Variants in TLE4 observed in about 807,000 individuals in gnomAD.
TLE4 encodes transducin-like enhancer protein 4.
Under a neutral mutation model 92.8 loss-of-function variants are expected in TLE4, and 8 were observed. The observed-to-expected ratio is 0.09, with a 90% CI of 0.05 to 0.16. The LOEUF (loss-of-function observed/expected upper bound fraction) is 0.16, where lower values mean the gene tolerates loss of function less well. TLE4 is among the 10% of genes least tolerant of loss of function. The pLI is 1.00. For synonymous variants in TLE4, 371 were observed against 374.1 expected (o/e 0.99, Z 0.10); for missense variants, 675 against 997.6 (o/e 0.68, Z 4.36).
intron 18 of TLE4, 105 bp from the exon 19 acceptor site, chr9:79,722,854 C>T: frequency 1.8e-6 from 2 of 1,117,306 alleles, no homozygotes; most frequent in Middle Eastern, 4.1e-4. Flanking sequence ...TTATTTTTTA[C>T]AAATGGATGA....
At position 79,627,405 on chromosome 9, in the gene TLE4, G is replaced by T. The variant is rs994491110; in HGVS notation, c.347G>T (p.Arg116Leu). Reference protein sequence around the residue: ...HQQQVVQAVERAKQVTMAELN... With the variant: ...HQQQVVQAVELAKQVTMAELN... ...CAACAAGTGGTGCAGGCTGTGGAAC[G>T]GGCCAAGCAGGTGACCATGGCAGAA... The change falls in exon 6 of 20, where the codon CGG becomes CTG. Residue 116 changes from arginine (R) to leucine (L), a missense_variant. Coordinates refer to ENST00000376552, the MANE Select transcript of TLE4 (RefSeq NM_007005.6). 2 of 1,614,016 alleles carry T rather than the reference G, an allele frequency of 1.2e-6. No homozygotes were observed. The highest frequency in any genetic ancestry group is 1.7e-6 in the Non-Finnish European group (2 of 1,180,022).
rs148270341 is a variant in TLE4, at chr9:79,676,285, T to C, written c.609+22210T>C. 4.8e-3 allele frequency among the ~76,000 whole-genome samples: 736 copies of C among 152,326 alleles called. 2 individuals are homozygous for C. The highest frequency in any genetic ancestry group is 0.017 in the Middle Eastern group (5 of 294). Reference sequence around the variant, plus strand: ...TACTACTGAAACTATTTTGGCTCAATACTCTAAATTAATTGTTTTCATGTA... The same window carrying C: ...TACTACTGAAACTATTTTGGCTCAACACTCTAAATTAATTGTTTTCATGTA... On this transcript the variant is annotated intron_variant, in intron 8 of 19. Coordinates refer to ENST00000376552, the MANE Select transcript of TLE4 (RefSeq NM_007005.6).
intron 8 of TLE4, among the ~76,000 whole-genome samples, chr9:79,701,373 A>G (rs991372028): frequency 6.6e-6 from 1 of 152,238 alleles, no homozygotes; most frequent in Non-Finnish European, 1.5e-5. Flanking sequence ...AGAAAAATAT[A>G]AAGTATTTGG....
chr9:79,720,334 C>T (rs775780407), intron 16 of TLE4, 41 bp downstream of exon 16: 18 of 1,571,632 alleles, frequency 1.1e-5, no homozygotes, highest in East Asian at 6.8e-5. Flanking sequence ...GAGGAGGAGC[C>T]GATTTTACCA....
chr9:79,605,230 G>A (rs1417081), intron 4 of TLE4, among the ~76,000 whole-genome samples: 3 of 151,772 alleles, frequency 2.0e-5, no homozygotes, highest in Non-Finnish European at 4.4e-5. Flanking sequence ...TTCTTTCTCT[G>A]CTCCTTCTGA....
At chr9:79,707,090 G>T in intron 11 of TLE4, 191 bp downstream of exon 11, 1 of 1,606,270 alleles carries the variant, frequency 6.2e-7, no homozygotes, top group African/African-American at 1.3e-5. Flanking sequence ...TTGGTGATGA[G>T]TGTTTATTTT....
chr9:79,601,256 C>T (rs1406354324), intron 4 of TLE4, among the ~76,000 whole-genome samples: 5 of 151,706 alleles, frequency 3.3e-5, no homozygotes, highest in Non-Finnish European at 5.9e-5. Context: ...AGCATGGTAT[C>T]CTAAATGCCA....
intron 4 of TLE4, among the ~76,000 whole-genome samples, chr9:79,597,158 C>T (rs557127122): frequency 6.6e-6 from 1 of 152,276 alleles, no homozygotes; most frequent in South Asian, 2.1e-4. Context: ...TCTCCATGTG[C>T]AGCCTGCCTC....
intron 4 of TLE4, among the ~76,000 whole-genome samples, chr9:79,597,308 T>C (rs1394467459): frequency 6.6e-6 from 1 of 152,168 alleles, no homozygotes; most frequent in Admixed American, 6.5e-5. Flanking sequence ...GACCTCCCGG[T>C]CTACTTTTAT....
intron 6 of TLE4, among the ~76,000 whole-genome samples, chr9:79,629,177 CT>C (rs2053531352): frequency 6.6e-6 from 1 of 152,010 alleles, no homozygotes; most frequent in African/African-American, 2.4e-5. Flanking sequence ...GATTGGCAGC[CT>C]TTTCTAGGAA....
At chr9:79,653,890 T>A (rs1378485253) in intron 7 of TLE4, among the ~76,000 whole-genome samples, 169 bp from the exon 8 acceptor site, 1 of 152,246 alleles carries the variant, frequency 6.6e-6, no homozygotes, top group East Asian at 1.9e-4. Context: ...TGAATTTGGT[T>A]GTGCAGTATT....
chr9:79,687,351 A>G (rs1315018647), intron 8 of TLE4, among the ~76,000 whole-genome samples: 1 of 152,172 alleles, frequency 6.6e-6, no homozygotes, highest in Non-Finnish European at 1.5e-5. Context: ...CTGTGTGGTC[A>G]TATGTGGTGG....
chr9:79,672,543 C>A (rs2062586449), intron 8 of TLE4, among the ~76,000 whole-genome samples: 1 of 152,100 alleles, frequency 6.6e-6, no homozygotes, highest in African/African-American at 2.4e-5. Context: ...AAACATGAGG[C>A]CATATTTGAG....
intron 11 of TLE4, 34 bp from the exon 12 acceptor site, chr9:79,708,084 C>A: frequency 6.2e-7 from 1 of 1,606,530 alleles, no homozygotes. Context: ...AAACCATGTT[C>A]TAATTGCTGG....
chr9:79,590,273 C>G (rs891567932), intron 4 of TLE4, among the ~76,000 whole-genome samples: 2 of 152,178 alleles, frequency 1.3e-5, no homozygotes, highest in African/African-American at 2.4e-5. Flanking sequence ...AGACAAAACA[C>G]TTGTTTGGGC....
chr9:79,583,629 CATT>C (rs562910936), intron 4 of TLE4, among the ~76,000 whole-genome samples: 11 of 151,684 alleles, frequency 7.3e-5, no homozygotes, highest in South Asian at 4.2e-4. Context: ...TTATTTAACT[CATT>C]ATTATTATTA....
chr9:79,690,966 A>G (rs1031995978), intron 8 of TLE4, among the ~76,000 whole-genome samples: 2 of 152,002 alleles, frequency 1.3e-5, no homozygotes, highest in African/African-American at 4.8e-5. Context: ...AAGAACCTGT[A>G]TCTTATTGCA....
intron 8 of TLE4, among the ~76,000 whole-genome samples, chr9:79,660,141 AT>A (rs1455277429): frequency 2.0e-5 from 3 of 152,234 alleles, no homozygotes; most frequent in Non-Finnish European, 4.4e-5. Context: ...AATATGAGCC[AT>A]TCTGTAGGAA....
rs1015114602 is a variant in TLE4 at position 79,722,749 on chromosome 9, A to G, written c.2137+148A>G. On this transcript the variant is annotated intron_variant, in intron 18 of 19. Transcript: ENST00000376552. ...TTCCTGATACATGCCTGCTTCCCCA[A>G]CACCATGTAATTTTCTGGCATTAAT... is the stretch of plus-strand genomic sequence containing the variant. The G allele has an allele frequency of 3.8e-5, 42 of 1,095,938 alleles. 1 individual carries two copies. Among genetic ancestry groups the G allele is most frequent in the South Asian group, 6.5e-5 (4 of 61,522 alleles). 67.9% of individuals were successfully genotyped at this position (1,095,938 alleles called of 1,614,324 possible).
Sources: allele counts gnomAD v4.1 joint callset (sites outside exome capture counted in the v4.1 genomes callset), GRCh38; gene constraint gnomAD v4.1.1; transcripts MANE v1.5; gene names NCBI Gene and HGNC (gene_info 2026-07-23, HGNC 2026-07-21).